Variants in PCDH9 observed in about 807,000 individuals in gnomAD.
The protein encoded by PCDH9 is protocadherin-9.
Under a neutral mutation model 70.6 loss-of-function variants are expected in PCDH9, and 24 were observed. The ratio of observed to expected loss-of-function variants is 0.34; its 90% confidence interval spans 0.25 to 0.48. The LOEUF (loss-of-function observed/expected upper bound fraction) is 0.48, where lower values mean the gene tolerates loss of function less well. PCDH9 is among the 20% of genes least tolerant of loss of function. The pLI is 0.99. For synonymous variants in PCDH9, 562 were observed against 558.5 expected, an observed-to-expected ratio of 1.01 and a Z score of -0.09; for missense variants, 1,281 against 1,503.6, an observed-to-expected ratio of 0.85 and a Z score of 2.45.
intron 4 of PCDH9, among the ~76,000 whole-genome samples, chr13:66,476,763 C>T (rs547577128): frequency 6.6e-6 from 1 of 151,754 alleles, no homozygotes; most frequent in East Asian, 1.9e-4. Flanking sequence ...GTATCACAAA[C>T]CAGGAGTGTT....
chr13:66,785,086 A>G (rs534481712), intron 3 of PCDH9, among the ~76,000 whole-genome samples: 2 of 152,238 alleles, frequency 1.3e-5, no homozygotes, highest in African/African-American at 4.8e-5. Flanking sequence ...GATGATGCTA[A>G]TCACATTTTT....
At chr13:66,647,906 T>G (rs1381672809) in intron 3 of PCDH9, among the ~76,000 whole-genome samples, 1 of 151,836 alleles carries the variant, frequency 6.6e-6, no homozygotes, top group Non-Finnish European at 1.5e-5. Flanking sequence ...TGAACATCAG[T>G]GGTAAGCAGG....
At chr13:66,713,655 T>TATATAAA (rs1474635736) in intron 3 of PCDH9, among the ~76,000 whole-genome samples, 1 of 63,628 alleles carries the variant, frequency 1.6e-5, no homozygotes, top group Non-Finnish European at 3.4e-5. Context: ...ATATATATAA[T>TATATAAA]GTACACACAC....
chr13:66,737,660 C>T (rs943659244), intron 3 of PCDH9, among the ~76,000 whole-genome samples: 22 of 152,092 alleles, frequency 1.4e-4, no homozygotes, highest in African/African-American at 4.8e-4. Flanking sequence ...GAGCCGAAGC[C>T]GGGCAAGGCA....
chr13:67,222,177 A>G (rs183227528), intron 2 of PCDH9: 40 of 151,602 alleles, frequency 2.6e-4, no homozygotes, highest in African/African-American at 9.4e-4. Context: ...TATCATTTAA[A>G]GCCTTGTTGG....
intron 3 of PCDH9, among the ~76,000 whole-genome samples, chr13:66,842,238 T>C (rs2081128433): frequency 6.6e-6 from 1 of 152,214 alleles, no homozygotes. Flanking sequence ...GTCACCTTTA[T>C]GTCTGAGGGC....
At position 66,507,594 on chromosome 13, in the gene PCDH9, T is replaced by C. The variant is rs73193109; in HGVS notation, c.3340+123616A>G. Among the ~76,000 whole-genome samples, 482 of 152,302 alleles carry C rather than the reference T, an allele frequency of 3.2e-3. 3 individuals carry two copies. The highest frequency in any genetic ancestry group is 5.0e-3 in the Non-Finnish European group (338 of 68,026). Reference sequence around the variant, plus strand: ...AGCATTGAAGTATTGAATGAAAATATAGTTGTGTCTCTGTCTGCCACGAAA... The same window carrying C: ...AGCATTGAAGTATTGAATGAAAATACAGTTGTGTCTCTGTCTGCCACGAAA... On this transcript the variant is annotated intron_variant, in intron 4 of 4. Coordinates refer to ENST00000377865, the MANE Select transcript of PCDH9 (RefSeq NM_203487.3).
intron 3 of PCDH9, among the ~76,000 whole-genome samples, chr13:66,725,725 T>A (rs2078997321): frequency 6.6e-6 from 1 of 152,178 alleles, no homozygotes; most frequent in Non-Finnish European, 1.5e-5. Flanking sequence ...TGAATGGGGT[T>A]CAAATGAAAA....
chr13:66,355,303 C>T (rs540606328), intron 4 of PCDH9, among the ~76,000 whole-genome samples: 3 of 152,068 alleles, frequency 2.0e-5, no homozygotes, highest in Admixed American at 6.6e-5. Context: ...CACAGACATG[C>T]GCATACTGGG....
chr13:66,677,736 T>C (rs1238641959), intron 3 of PCDH9, among the ~76,000 whole-genome samples: 1 of 152,104 alleles, frequency 6.6e-6, no homozygotes, highest in Non-Finnish European at 1.5e-5. Context: ...TCACCAAAAG[T>C]TAAGCAGATG....
chr13:67,063,237 C>G (rs546031074), intron 2 of PCDH9, among the ~76,000 whole-genome samples: 1 of 151,980 alleles, frequency 6.6e-6, no homozygotes, highest in African/African-American at 2.4e-5. Flanking sequence ...GACAATCTCC[C>G]GTAAGCAATT....
chr13:67,092,159 T>A (rs2086230627), intron 2 of PCDH9, among the ~76,000 whole-genome samples: 1 of 152,324 alleles, frequency 6.6e-6, no homozygotes, highest in Non-Finnish European at 1.5e-5. Flanking sequence ...ATTGATTTTG[T>A]CCATTTACTT....
At position 67,171,141 on chromosome 13, in the gene PCDH9, G is replaced by T. The variant is rs139351157; in HGVS notation, c.3036+54264C>A. ...AACTGGTGCCATATTCTCATTAAGAGATTTCTGTCATTTTAATTTTATTTT... is the reference window on the plus strand; with the variant it reads ...AACTGGTGCCATATTCTCATTAAGATATTTCTGTCATTTTAATTTTATTTT... On this transcript the variant is annotated intron_variant, in intron 2 of 4. Transcript: ENST00000377865. Among the ~76,000 whole-genome samples the T allele has an allele frequency of 6.4e-4, 98 of 152,224 alleles. 1 individual carries two copies. Among genetic ancestry groups the T allele is most frequent in the Middle Eastern group, 3.4e-3 (1 of 292 alleles).
chr13:67,135,158 A>G (rs577685059), intron 2 of PCDH9, among the ~76,000 whole-genome samples: 2 of 152,268 alleles, frequency 1.3e-5, no homozygotes, highest in African/African-American at 4.8e-5. Flanking sequence ...AAGTTTTAAG[A>G]TGCAGTTGAT....
At chr13:66,549,461 T>G (rs1304026125) in intron 4 of PCDH9, among the ~76,000 whole-genome samples, 1 of 152,150 alleles carries the variant, frequency 6.6e-6, no homozygotes, top group Non-Finnish European at 1.5e-5. Flanking sequence ...CATTTAATTC[T>G]TAATAAACTG....
At chr13:66,476,803 G>A (rs1201450568) in intron 4 of PCDH9, among the ~76,000 whole-genome samples, 2 of 151,972 alleles carry the variant, frequency 1.3e-5, no homozygotes, top group African/African-American at 2.4e-5. Flanking sequence ...AAAATATTGT[G>A]AGGAAGGGAG....
At chr13:67,179,079 G>A (rs528306709) in intron 2 of PCDH9, among the ~76,000 whole-genome samples, 6 of 152,078 alleles carry the variant, frequency 3.9e-5, no homozygotes, top group African/African-American at 1.4e-4. Flanking sequence ...CATAATAATT[G>A]CTCAATAAAC....
chr13:66,628,571 A>G (rs907730313), intron 4 of PCDH9, among the ~76,000 whole-genome samples: 9 of 152,142 alleles, frequency 5.9e-5, no homozygotes, highest in South Asian at 4.1e-4. Context: ...GAGTGATTAT[A>G]GCTCACTGCT....
At chr13:66,724,992 T>A (rs1050701118) in intron 3 of PCDH9, among the ~76,000 whole-genome samples, 1 of 152,172 alleles carries the variant, frequency 6.6e-6, no homozygotes, top group Non-Finnish European at 1.5e-5. Context: ...CCCAATATCA[T>A]ATCTCTAGCC....
Sources: gnomAD v4.1 joint callset for allele counts (sites outside exome capture counted in the v4.1 genomes callset) on GRCh38, gnomAD v4.1.1 for gene constraint, MANE v1.5 for transcripts, NCBI Gene and HGNC (gene_info 2026-07-23, HGNC 2026-07-21) for gene names.